The following GXYLT1 variants were observed in gnomAD, a reference collection of about 807,000 sequenced individuals.
GXYLT1 encodes glucoside xylosyltransferase 1.
GXYLT1 carries 29 observed loss-of-function variants against 54.0 expected under a neutral mutation model. The ratio of observed to expected loss-of-function variants is 0.54; its 90% confidence interval spans 0.40 to 0.73. The LOEUF is 0.73. Ranked by LOEUF, GXYLT1 falls within the 30% of genes least tolerant of loss-of-function variation. GXYLT1 has a pLI of 0.00. For synonymous variants in GXYLT1, 176 were observed against 204.1 expected (o/e 0.86, Z 1.17); for missense variants, 490 against 553.4 (o/e 0.89, Z 1.15).
intron 7 of GXYLT1, among the ~76,000 whole-genome samples, chr12:42,090,508 G>A (rs758496984): frequency 2.6e-5 from 4 of 152,100 alleles, no homozygotes; most frequent in Admixed American, 1.3e-4. Flanking sequence ...ACAGTTAATC[G>A]TTCCCTCTTT....
At chr12:42,113,861 T>A (rs892508244) in intron 3 of GXYLT1, among the ~76,000 whole-genome samples, 75 of 150,992 alleles carry the variant, frequency 5.0e-4, no homozygotes, top group Admixed American at 8.5e-4. Flanking sequence ...TACTCCAAAA[T>A]TGACCACATA....
chr12:42,112,483 T>C (rs544037707), intron 3 of GXYLT1, among the ~76,000 whole-genome samples: 37 of 152,230 alleles, frequency 2.4e-4, no homozygotes, highest in African/African-American at 8.4e-4. Flanking sequence ...GCATGAGAGC[T>C]ATGTGACAAA....
chr12:42,124,843 T>C (rs745902217), intron 2 of GXYLT1, among the ~76,000 whole-genome samples: 15 of 152,168 alleles, frequency 9.9e-5, no homozygotes, highest in East Asian at 3.8e-4. Context: ...ATTGTTTTAA[T>C]AGAAAAAAAC....
In GXYLT1 at chr12:42,086,333, AC is replaced by A. The variant is rs905825610; in HGVS notation, c.*1452del. On this transcript the variant is annotated 3_prime_UTR_variant, in exon 8 of 8. Transcript: ENST00000398675. Reference sequence around the variant, plus strand: ...CAATTTGTCCCTGACTGAACTGCAGACGACAGAACAACTGTACTAACCATCT... The same window carrying A: ...CAATTTGTCCCTGACTGAACTGCAGAGACAGAACAACTGTACTAACCATCT... 1 of 151,038 alleles carries A rather than the reference AC, an allele frequency of 6.6e-6. No individual in the cohort carries two copies. Among genetic ancestry groups the A allele is most frequent in the Non-Finnish European group, 1.5e-5 (1 of 67,550 alleles). The allele number at this position is 151,038 out of a possible 1,614,324, so 9.4% of individuals were successfully genotyped here.
chr12:42,129,076 T>C (rs1386618204), intron 2 of GXYLT1, among the ~76,000 whole-genome samples: 1 of 152,168 alleles, frequency 6.6e-6, no homozygotes, highest in Non-Finnish European at 1.5e-5. Context: ...CACTCTCCTC[T>C]GCCACTGTAT....
rs1248314971 is a variant in GXYLT1, at chr12:42,083,458, C to G, written c.*4328G>C. The G allele has an allele frequency of 6.6e-6, 1 of 152,040 alleles. No homozygotes were observed. The highest frequency in any genetic ancestry group is 6.5e-5 in the Admixed American group (1 of 15,276). The allele number at this position is 152,040 out of a possible 1,614,324, so 9.4% of individuals were successfully genotyped here. ...TGCATTTAATAAATGGATAACTGGC[C>G]CCACACCTGACATATTGCACCCCTA... is the stretch of plus-strand genomic sequence containing the variant. On this transcript the variant is annotated 3_prime_UTR_variant, in exon 8 of 8. Transcript: ENST00000398675.
chr12:42,125,411 T>C (rs1375644125), intron 2 of GXYLT1, among the ~76,000 whole-genome samples: 1 of 152,138 alleles, frequency 6.6e-6, no homozygotes, highest in Non-Finnish European at 1.5e-5. Flanking sequence ...GAATTGGAGC[T>C]ATCAGTTAAA....
intron 7 of GXYLT1, among the ~76,000 whole-genome samples, chr12:42,094,978 AAGAAT>A (rs528484560): frequency 2.0e-4 from 30 of 149,554 alleles, no homozygotes; most frequent in African/African-American, 6.8e-4. Context: ...AAAACTATAG[AAGAAT>A]AGGAGAAATA....
At chr12:42,144,388 G>A (rs1403057463) in intron 1 of GXYLT1, 38 bp downstream of exon 1, 2 of 1,321,672 alleles carry the variant, frequency 1.5e-6, no homozygotes, top group African/African-American at 3.1e-5. Flanking sequence ...CCAGCGCCCC[G>A]CGCCCGCCGC....
intron 3 of GXYLT1, among the ~76,000 whole-genome samples, chr12:42,116,469 A>G (rs1220785554): frequency 1.3e-5 from 2 of 152,272 alleles, no homozygotes; most frequent in Non-Finnish European, 2.9e-5. Context: ...TGGGCGAAGG[A>G]TATCAACAGA....
At chr12:42,118,632 T>G (rs1322837469) in intron 3 of GXYLT1, among the ~76,000 whole-genome samples, 1 of 152,222 alleles carries the variant, frequency 6.6e-6, no homozygotes, top group Non-Finnish European at 1.5e-5. Context: ...AATTCCCACG[T>G]GTCAAGGGAG....
intron 1 of GXYLT1, among the ~76,000 whole-genome samples, chr12:42,136,164 AC>A (rs1226897977): frequency 6.6e-6 from 1 of 152,256 alleles, no homozygotes; most frequent in Admixed American, 6.5e-5. Context: ...AGAAACTCAC[AC>A]TGAGAACTTA....
intron 2 of GXYLT1, among the ~76,000 whole-genome samples, chr12:42,127,179 C>T (rs2065567724): frequency 6.6e-6 from 1 of 152,048 alleles, no homozygotes; most frequent in African/African-American, 2.4e-5. Context: ...AGAAGCTTTA[C>T]CAGTATTAAA....
chr12:42,109,994 A>G (rs1223129806), intron 3 of GXYLT1, among the ~76,000 whole-genome samples: 1 of 152,192 alleles, frequency 6.6e-6, no homozygotes, highest in Non-Finnish European at 1.5e-5. Flanking sequence ...AACTTTACCT[A>G]ATGTGTAAAT....
At chr12:42,144,296 A>G (rs2065667550) in intron 1 of GXYLT1, 130 bp downstream of exon 1, 2 of 492,868 alleles carry the variant, frequency 4.1e-6, no homozygotes, top group Non-Finnish European at 6.4e-6. Flanking sequence ...GAGGGAAATG[A>G]GTGAGGGGTC....
Position 42,086,866 on chromosome 12 carries a change from T to C in GXYLT1, c.*920A>G, listed in dbSNP as rs2065296745. 6.6e-6 allele frequency: 1 copy of C among 152,194 alleles called. No homozygotes were observed. Among genetic ancestry groups the C allele is most frequent in the South Asian group, 2.1e-4 (1 of 4,832 alleles). The allele number at this position is 152,194 out of a possible 1,614,324, so 9.4% of individuals were successfully genotyped here. On this transcript the variant is annotated 3_prime_UTR_variant, in exon 8 of 8. Coordinates refer to ENST00000398675, the MANE Select transcript of GXYLT1 (RefSeq NM_173601.2). Reference sequence around the variant, plus strand: ...TCTACTCCATTGTAACTAAAATTACTACTCACAGGAAGTATATAGCTTATG... The same window carrying C: ...TCTACTCCATTGTAACTAAAATTACCACTCACAGGAAGTATATAGCTTATG...
chr12:42,130,133 C>T (rs6582384), intron 1 of GXYLT1, among the ~76,000 whole-genome samples: 78,107 of 151,930 alleles, frequency 0.51, 20,516 homozygotes, highest in South Asian at 0.7. Flanking sequence ...CCTCAGATAA[C>T]ACAGACAAAT....
intron 1 of GXYLT1, among the ~76,000 whole-genome samples, chr12:42,137,750 C>T (rs143535998): frequency 0.019 from 1,649 of 88,286 alleles, 39 homozygotes; most frequent in African/African-American, 0.078. Flanking sequence ...GAGCGAGACT[C>T]CATCTCAAAT....
At chr12:42,117,809 A>C (rs777966184) in intron 3 of GXYLT1, among the ~76,000 whole-genome samples, 16 of 152,202 alleles carry the variant, frequency 1.1e-4, no homozygotes, top group Non-Finnish European at 2.2e-4. Context: ...TACAAGGCTG[A>C]CCTGATTAAA....
Sources: allele counts gnomAD v4.1 joint callset (sites outside exome capture counted in the v4.1 genomes callset), GRCh38; gene constraint gnomAD v4.1.1; transcripts MANE v1.5; gene names NCBI Gene and HGNC (gene_info 2026-07-23, HGNC 2026-07-21).